Variants in UBE2F observed in about 807,000 individuals in gnomAD.
The protein encoded by UBE2F is ubiquitin conjugating enzyme E2 F (putative).
Under a neutral mutation model 29.6 loss-of-function variants are expected in UBE2F, and 5 were observed. The observed-to-expected ratio is 0.17, with a 90% CI of 0.09 to 0.36. The LOEUF (loss-of-function observed/expected upper bound fraction) is 0.36. Among genes scored for constraint, UBE2F ranks in the 10% least tolerant of loss-of-function variants. UBE2F has a pLI of 1.00. For synonymous variants in UBE2F, 66 were observed against 81.8 expected, an observed-to-expected ratio of 0.81 and a Z score of 1.04; for missense variants, 141 against 228.5, an observed-to-expected ratio of 0.62 and a Z score of 2.47.
chr2:238,030,732 A>G (rs2064554708), intron 7 of UBE2F, 119 bp downstream of exon 7: 1 of 736,356 alleles, frequency 1.4e-6, no homozygotes, highest in Non-Finnish European at 2.4e-6. Flanking sequence ...CAGTGGCCGG[A>G]CACACCCTGC....
intron 2 of UBE2F, among the ~76,000 whole-genome samples, chr2:237,983,622 C>G (rs1410399743): frequency 6.6e-6 from 1 of 152,052 alleles, no homozygotes; most frequent in Non-Finnish European, 1.5e-5. Context: ...CCTCCATTGC[C>G]CCTTCCCGTT....
At chr2:238,000,383 T>G (rs1402043738) in intron 4 of UBE2F, among the ~76,000 whole-genome samples, 1 of 152,244 alleles carries the variant, frequency 6.6e-6, no homozygotes, top group African/African-American at 2.4e-5. Flanking sequence ...AGATCATTGG[T>G]GTGTATGTAT....
chr2:238,034,686 G>C (rs989008461), intron 8 of UBE2F, among the ~76,000 whole-genome samples: 2 of 152,096 alleles, frequency 1.3e-5, no homozygotes, highest in African/African-American at 2.4e-5. Context: ...TTTTCCAACT[G>C]TGAATGACTA....
intron 7 of UBE2F, among the ~76,000 whole-genome samples, chr2:238,031,042 G>C (rs1196811008): frequency 4.6e-5 from 7 of 152,200 alleles, no homozygotes. Flanking sequence ...CCTAACATCA[G>C]GCAGGGACCC....
intron 4 of UBE2F, among the ~76,000 whole-genome samples, chr2:238,004,456 G>A (rs998743054): frequency 1.3e-5 from 2 of 151,500 alleles, no homozygotes; most frequent in African/African-American, 2.4e-5. Context: ...CCATAGATAC[G>A]TCTTTTATCA....
At chr2:237,968,931 A>C (rs2063115996) in intron 1 of UBE2F, 5 of 722,088 alleles carry the variant, frequency 6.9e-6, no homozygotes, top group Non-Finnish European at 8.5e-6. Flanking sequence ...GCCTCTTGAC[A>C]GTTTGAAGAC....
At chr2:238,021,906 C>T (rs1395114336) in intron 5 of UBE2F, among the ~76,000 whole-genome samples, 1 of 152,166 alleles carries the variant, frequency 6.6e-6, no homozygotes, top group African/African-American at 2.4e-5. Flanking sequence ...GTCTGTCTGC[C>T]TCTTTCCTCT....
intron 9 of UBE2F, among the ~76,000 whole-genome samples, chr2:238,038,744 C>T (rs1275503087): frequency 6.6e-6 from 1 of 152,234 alleles, no homozygotes; most frequent in Non-Finnish European, 1.5e-5. Context: ...CTAAGCAGTG[C>T]CGCCCCATCC....
intron 7 of UBE2F, among the ~76,000 whole-genome samples, chr2:238,031,253 A>G (rs995298595): frequency 3.3e-5 from 5 of 152,098 alleles, no homozygotes; most frequent in Non-Finnish European, 5.9e-5. Flanking sequence ...TCGTGCCTCT[A>G]CCTGGAAGGC....
At chr2:238,016,298 A>C (rs1200966980) in intron 4 of UBE2F, among the ~76,000 whole-genome samples, 1 of 152,160 alleles carries the variant, frequency 6.6e-6, no homozygotes, top group Non-Finnish European at 1.5e-5. Flanking sequence ...TGGCCCCAGA[A>C]GGATGTCCCT....
Position 238,025,379 on chromosome 2 carries a change from C to T in UBE2F, c.320C>T (p.Pro107Leu). Residue 107 changes from proline (P) to leucine (L), a missense_variant, in exon 6 of 10, where the codon CCC becomes CTC. Coordinates refer to ENST00000272930, the MANE Select transcript of UBE2F (RefSeq NM_080678.3). Reference protein sequence around the residue: ...KVKCLTKIWHPNITETGEICL... With the variant: ...KVKCLTKIWHLNITETGEICL... ...AAATGCCTGACCAAGATCTGGCACC[C>T]CAACATCACAGAGACAGGGGAAATA... 1 of 1,614,020 alleles carries T rather than the reference C, an allele frequency of 6.2e-7. No homozygotes were observed. Among genetic ancestry groups the T allele is most frequent in the Non-Finnish European group, 8.5e-7 (1 of 1,179,936 alleles).
intron 2 of UBE2F, among the ~76,000 whole-genome samples, chr2:237,984,008 C>T (rs2063428669): frequency 6.6e-6 from 1 of 151,998 alleles, no homozygotes; most frequent in Non-Finnish European, 1.5e-5. Flanking sequence ...GTGCTCCCAG[C>T]CTTGTTCTCC....
At position 237,967,523 on chromosome 2, in the gene UBE2F, A is replaced by G. The variant is rs2063082037; in HGVS notation, c.-17+391A>G. Among the ~76,000 whole-genome samples, 1 of 152,068 alleles carries G rather than the reference A, an allele frequency of 6.6e-6. No individual in the cohort carries two copies. Among genetic ancestry groups the G allele is most frequent in the Non-Finnish European group, 1.5e-5 (1 of 67,990 alleles). On this transcript the variant is annotated intron_variant, in intron 1 of 9. Transcript: ENST00000272930. This position sits in a 1 kb window ranked among gnomAD's most constrained non-coding sequence, Gnocchi z 6.3. ...TCGCGGGATCGGCTGCCTGCCTTGT[A>G]CGGAGGAAGCGGGGCGTCCAGCGCC... is the stretch of plus-strand genomic sequence containing the variant.
intron 4 of UBE2F, among the ~76,000 whole-genome samples, chr2:238,014,753 G>C (rs1349821230): frequency 1.3e-5 from 2 of 152,224 alleles, no homozygotes; most frequent in Non-Finnish European, 2.9e-5. Context: ...TTGTGCCACA[G>C]TGGTCAATAT....
At chr2:237,997,237 T>A (rs1359907011) in intron 4 of UBE2F, among the ~76,000 whole-genome samples, 1 of 151,928 alleles carries the variant, frequency 6.6e-6, no homozygotes. Context: ...ATAAAAAAAA[T>A]AAATAAAAAG....
intron 3 of UBE2F, among the ~76,000 whole-genome samples, chr2:237,992,315 T>C (rs1162784880): frequency 6.6e-6 from 1 of 152,224 alleles, no homozygotes; most frequent in Admixed American, 6.5e-5. Context: ...GTCAGAATTA[T>C]ATGTTTTTGT....
chr2:238,021,004 T>C (rs1169554685), intron 5 of UBE2F, among the ~76,000 whole-genome samples: 1 of 152,160 alleles, frequency 6.6e-6, no homozygotes, highest in African/African-American at 2.4e-5. Flanking sequence ...GGGGATGCCT[T>C]GGAGGAGGAG....
At chr2:238,019,783 C>T (rs995254219) in intron 5 of UBE2F, among the ~76,000 whole-genome samples, 16 of 151,496 alleles carry the variant, frequency 1.1e-4, no homozygotes, top group African/African-American at 2.7e-4. Flanking sequence ...CCTCAGCCTC[C>T]GGAGTAGCTG....
At chr2:238,030,389 G>A (rs1187762693) in intron 6 of UBE2F, among the ~76,000 whole-genome samples, 167 bp from the exon 7 acceptor site, 2 of 152,108 alleles carry the variant, frequency 1.3e-5, no homozygotes, top group African/African-American at 4.8e-5. Flanking sequence ...TAACCTTGGA[G>A]GTGGAAATGC....
Sources: allele counts gnomAD v4.1 joint callset (sites outside exome capture counted in the v4.1 genomes callset), GRCh38; gene constraint gnomAD v4.1.1; non-coding constraint Gnocchi (gnomAD v3.1); transcripts MANE v1.5; gene names NCBI Gene and HGNC (gene_info 2026-07-23, HGNC 2026-07-21).